Variants in TBC1D8B observed in about 807,000 individuals in gnomAD.
TBC1D8B encodes the protein RP11-321G1.1.
Under a neutral mutation model 82.9 loss-of-function variants are expected in TBC1D8B, and 75 were observed. The observed-to-expected ratio is 0.90, with a 90% CI of 0.75 to 1.10. The LOEUF is 1.10. TBC1D8B is among the 50% of genes least tolerant of loss of function. The probability of loss-of-function intolerance (pLI) is 0.00; values close to 1 mark genes in which losing one functional copy is unlikely to be tolerated. For missense variants in TBC1D8B, 794 were observed against 796.9 expected (o/e 1.00, Z 0.04); for synonymous variants, 276 against 276.8 (o/e 1.00, Z 0.03).
intron 1 of TBC1D8B, among the ~76,000 whole-genome samples, chrX:106,807,743 T>C (rs1931236608): frequency 9.0e-6 from 1 of 110,825 alleles, no homozygotes; most frequent in African/African-American, 3.3e-5. Context: ...CCTATGGGAT[T>C]TTAAAAAAAT....
chrX:106,813,095 T>G (rs1287488620), intron 1 of TBC1D8B, among the ~76,000 whole-genome samples: 2 of 111,690 alleles, frequency 1.8e-5, no homozygotes, highest in Non-Finnish European at 3.8e-5. Context: ...TGACCTCAGG[T>G]GATTCACCCG....
intron 14 of TBC1D8B, among the ~76,000 whole-genome samples, chrX:106,859,855 G>C (rs1374621971): frequency 2.7e-5 from 3 of 111,822 alleles, no homozygotes; most frequent in African/African-American, 9.7e-5. Context: ...TTATTATTTT[G>C]AGATACAGTT....
chrX:106,822,958 C>T (rs1309855716), intron 4 of TBC1D8B, among the ~76,000 whole-genome samples: 2 of 110,984 alleles, frequency 1.8e-5, no homozygotes, highest in Non-Finnish European at 3.8e-5. Context: ...CTGTAATGAG[C>T]CATGATCATG....
At chrX:106,856,739 T>C (rs999276094) in intron 14 of TBC1D8B, among the ~76,000 whole-genome samples, 1 of 111,980 alleles carries the variant, frequency 8.9e-6, no homozygotes, top group Non-Finnish European at 1.9e-5. Flanking sequence ...CTTTTATTCA[T>C]TTTAACAGTC....
At chrX:106,824,941 A>G (rs1043574816) in intron 5 of TBC1D8B, among the ~76,000 whole-genome samples, 1 of 111,909 alleles carries the variant, frequency 8.9e-6, no homozygotes, top group African/African-American at 3.2e-5. Context: ...AGTTAAGTTT[A>G]GCGTATATCC....
chrX:106,837,262 C>T (rs1932195923), intron 7 of TBC1D8B, among the ~76,000 whole-genome samples: 1 of 111,704 alleles, frequency 9.0e-6, no homozygotes, highest in Non-Finnish European at 1.9e-5. Flanking sequence ...AGACAACCCA[C>T]AGAATGGAGG....
At position 106,811,419 on chromosome X, in the gene TBC1D8B, G is replaced by A. The variant is rs147460098; in HGVS notation, c.131-7244G>A. Among the ~76,000 whole-genome samples the A allele has an allele frequency of 9.9e-5, 11 of 111,343 alleles. No homozygotes were observed. The South Asian group carries it at 3.5e-3, about 35-fold the overall frequency. On this transcript the variant is annotated intron_variant, in intron 1 of 20. Coordinates refer to ENST00000357242, the MANE Select transcript of TBC1D8B (RefSeq NM_017752.3). ...TATGCGCCTGTAGTCCCAGCTACAC[G>A]GAAGGCTGGGGTGGGTGGGAGATCG...
chrX:106,870,015 G>C (rs961611719), intron 19 of TBC1D8B, among the ~76,000 whole-genome samples: 3 of 112,050 alleles, frequency 2.7e-5, no homozygotes, highest in Non-Finnish European at 5.6e-5. Flanking sequence ...TTTTGAAAAA[G>C]AGCTACTAAA....
chrX:106,846,097 T>TC, intron 10 of TBC1D8B, among the ~76,000 whole-genome samples: 1 of 80,088 alleles, frequency 1.2e-5, no homozygotes, highest in African/African-American at 4.9e-5. Context: ...CTCTCTCTCT[T>TC]TTTTTTTTTT....
At chrX:106,827,060 T>C in intron 6 of TBC1D8B, 110 bp from the exon 7 acceptor site, 3 of 855,547 alleles carry the variant, frequency 3.5e-6, no homozygotes, top group Non-Finnish European at 5.0e-6. Context: ...TAATAAGTCA[T>C]ACTATAGACC....
chrX:106,850,125 T>A lies in TBC1D8B; in HGVS notation c.1938T>A (p.Ser646=). ...ATATGACATTCTTTTCCTCAGTTTC[T>A]CTCTCTTGGTTTCTCACACTTTTTA... The part of the protein sequence containing the change: ...MTDMTFFSSV[S]LSWFLTLFIS... Residue 646 remains serine, a synonymous_variant, in exon 12 of 21, where the codon TCT becomes TCA. Coordinates refer to ENST00000357242, the MANE Select transcript of TBC1D8B (RefSeq NM_017752.3). The A allele has an allele frequency of 8.3e-7, 1 of 1,211,567 alleles. No individual in the cohort carries two copies. The highest frequency in any genetic ancestry group is 1.1e-6 in the Non-Finnish European group (1 of 895,393).
intron 7 of TBC1D8B, among the ~76,000 whole-genome samples, chrX:106,830,853 T>A (rs1476885862): frequency 1.5e-4 from 16 of 106,814 alleles, no homozygotes; most frequent in African/African-American, 5.1e-4. Flanking sequence ...CTAGAGGACG[T>A]GTTAGTGGGT....
rs902611877 is a variant in TBC1D8B, at chrX:106,854,581, G to A, written c.2352+285G>A. ...CAGGCTGGAGTGCAGTGGCATGATC[G>A]CAGCTCACTGTAGCCTCTACCTCAT... On this transcript the variant is annotated intron_variant, in intron 14 of 20. Coordinates refer to ENST00000357242, the MANE Select transcript of TBC1D8B (RefSeq NM_017752.3). Among the ~76,000 whole-genome samples, 15 of 110,605 alleles carry A rather than the reference G, an allele frequency of 1.4e-4. No individual in the cohort carries two copies. In the South Asian group the frequency reaches 4.0e-3, roughly 29 times the overall value.
intron 1 of TBC1D8B, among the ~76,000 whole-genome samples, chrX:106,809,010 A>G (rs1277050459): frequency 8.9e-6 from 1 of 111,957 alleles, no homozygotes; most frequent in Non-Finnish European, 1.9e-5. Context: ...AAAAAGTAAA[A>G]GGCATTATAA....
chrX:106,838,884 A>T (rs994268559), intron 7 of TBC1D8B, among the ~76,000 whole-genome samples: 4 of 111,653 alleles, frequency 3.6e-5, no homozygotes, highest in Admixed American at 9.5e-5. Context: ...GAAACTCCAA[A>T]AGATCCACTG....
intron 19 of TBC1D8B, 77 bp downstream of exon 19, chrX:106,869,618 AG>A: frequency 1.2e-6 from 1 of 828,369 alleles, no homozygotes; most frequent in Non-Finnish European, 1.7e-6. Context: ...AAGGGGGAAA[AG>A]GTGGATTCCT....
In TBC1D8B at chrX:106,870,697, T is replaced by C. The variant is rs1451523172; in HGVS notation, c.2870-19T>C. The C allele has an allele frequency of 9.1e-7, 1 of 1,103,960 alleles. No homozygotes were observed. The highest frequency in any genetic ancestry group is 1.2e-6 in the Non-Finnish European group (1 of 802,652). 91.0% of individuals were successfully genotyped at this position (1,103,960 alleles called of 1,213,427 possible). ...TAGTGGGCTGTTCCTTATGAAATGG[T>C]TTTACTCCCTTTCTTCAGGCAAAGG... is the stretch of plus-strand genomic sequence containing the variant. On this transcript the variant is annotated intron_variant, in intron 19 of 20. Transcript: ENST00000357242.
At chrX:106,851,040 T>G (rs188645074) in intron 12 of TBC1D8B, among the ~76,000 whole-genome samples, 2 of 111,550 alleles carry the variant, frequency 1.8e-5, no homozygotes, top group Non-Finnish European at 3.8e-5. Context: ...CCAAAATGAT[T>G]CCTACACTAT....
intron 10 of TBC1D8B, among the ~76,000 whole-genome samples, chrX:106,842,131 A>ATT (rs113697502): frequency 2.8e-5 from 3 of 105,458 alleles, no homozygotes; most frequent in East Asian, 2.9e-4. Flanking sequence ...GTCAATAGAG[A>ATT]TTTTTTTTTT....
Sources: allele counts gnomAD v4.1 joint callset (sites outside exome capture counted in the v4.1 genomes callset), GRCh38; gene constraint gnomAD v4.1.1; transcripts MANE v1.5; gene names NCBI Gene and HGNC (gene_info 2026-07-23, HGNC 2026-07-21).